NRG3: variants seen among roughly 807,000 people sequenced by gnomAD.
The protein encoded by NRG3 is pro-neuregulin-3, membrane-bound isoform.
In NRG3, 31 loss-of-function variants were observed where a neutral mutation model predicts 66.9. That is an observed-to-expected ratio of 0.46 (90% CI 0.35 to 0.63). The LOEUF (loss-of-function observed/expected upper bound fraction) is 0.63, where lower values mean the gene tolerates loss of function less well. Ranked by LOEUF, NRG3 falls within the 20% of genes least tolerant of loss-of-function variation. The pLI is 0.00. For missense variants in NRG3, 910 were observed against 878.9 expected, an observed-to-expected ratio of 1.04 and a Z score of -0.45; for synonymous variants, 393 against 359.4, an observed-to-expected ratio of 1.09 and a Z score of -1.06.
intron 2 of NRG3, among the ~76,000 whole-genome samples, chr10:82,470,229 T>G (rs76841693): frequency 0.014 from 2,082 of 152,338 alleles, 20 homozygotes; most frequent in Non-Finnish European, 0.021. Flanking sequence ...ATATTTGCAG[T>G]AAAGATATCT....
chr10:81,944,361 A>G (rs1030282789), intron 1 of NRG3, among the ~76,000 whole-genome samples: 2 of 152,238 alleles, frequency 1.3e-5, no homozygotes, highest in Non-Finnish European at 1.5e-5. Context: ...GCTACAAGAG[A>G]GTTTTAAAAA....
Position 81,935,919 on chromosome 10 carries a change from A to ACACACACAC in NRG3, c.823+59762_823+59763insCACCACACA, listed in dbSNP as rs1192033295. Among the ~76,000 whole-genome samples, 1,111 of 146,748 alleles carry ACACACACAC rather than the reference A, an allele frequency of 7.6e-3. 17 individuals carry two copies. Among genetic ancestry groups the ACACACACAC allele is most frequent in the African/African-American group, 0.024 (937 of 38,424 alleles). ...CACACACACACACACACACACACAC[A>ACACACACAC]CACACAGTTTCCTGTGTTAAAATGG... On this transcript the variant is annotated intron_variant, in intron 1 of 8. Coordinates refer to ENST00000372141, the MANE Select transcript of NRG3 (RefSeq NM_001010848.4).
intron 1 of NRG3, among the ~76,000 whole-genome samples, chr10:82,129,740 T>C (rs542594334): frequency 5.3e-5 from 8 of 152,138 alleles, no homozygotes; most frequent in Admixed American, 3.9e-4. Flanking sequence ...TTTGTATTTT[T>C]AGTAGAGACG....
intron 2 of NRG3, among the ~76,000 whole-genome samples, chr10:82,553,278 T>C (rs1417934343): frequency 1.3e-5 from 2 of 152,066 alleles, no homozygotes; most frequent in Non-Finnish European, 2.9e-5. Flanking sequence ...TTCAGCATTT[T>C]TTTTTTCTAA....
At chr10:82,639,198 A>G (rs1045309388) in intron 2 of NRG3, among the ~76,000 whole-genome samples, 5 of 152,188 alleles carry the variant, frequency 3.3e-5, no homozygotes, top group African/African-American at 9.7e-5. Flanking sequence ...TTTTGCTCAC[A>G]GTTGTGGAGG....
chr10:82,192,980 AG>A (rs2074242441), intron 1 of NRG3, among the ~76,000 whole-genome samples: 1 of 150,704 alleles, frequency 6.6e-6, no homozygotes, highest in African/African-American at 2.5e-5. Context: ...AGTGAGAGAG[AG>A]AGAGAGAGAG....
intron 2 of NRG3, among the ~76,000 whole-genome samples, chr10:82,565,158 T>C (rs1220515455): frequency 6.6e-6 from 1 of 151,992 alleles, no homozygotes; most frequent in African/African-American, 2.4e-5. Context: ...AACTATAAAT[T>C]TCATGGAAGA....
intron 1 of NRG3, among the ~76,000 whole-genome samples, chr10:82,188,855 C>G (rs113129487): frequency 1.8e-3 from 279 of 151,972 alleles, no homozygotes; most frequent in Admixed American, 2.2e-3. Flanking sequence ...TGAGTAAGAG[C>G]TACAATTTGA....
intron 2 of NRG3, among the ~76,000 whole-genome samples, chr10:82,553,382 A>G (rs1267282500): frequency 1.3e-5 from 2 of 152,100 alleles, no homozygotes; most frequent in African/African-American, 2.4e-5. Context: ...ATTTGCAAAA[A>G]CATGTATGGA....
At chr10:82,517,435 A>G (rs1845765028) in intron 2 of NRG3, among the ~76,000 whole-genome samples, 1 of 152,202 alleles carries the variant, frequency 6.6e-6, no homozygotes, top group African/African-American at 2.4e-5. Context: ...AACACTGTCC[A>G]AAGGATGTTG....
chr10:82,423,849 A>G (rs1196914306), intron 2 of NRG3, among the ~76,000 whole-genome samples: 1 of 151,998 alleles, frequency 6.6e-6, no homozygotes. Context: ...TAATCTACGT[A>G]TGTATTTGTC....
At chr10:82,103,820 A>G (rs943381954) in intron 1 of NRG3, among the ~76,000 whole-genome samples, 2 of 151,994 alleles carry the variant, frequency 1.3e-5, no homozygotes, top group Admixed American at 6.6e-5. Context: ...TTATCATCAC[A>G]GGAGTGCATT....
At chr10:81,955,918 C>G (rs1321158219) in intron 1 of NRG3, among the ~76,000 whole-genome samples, 1 of 152,174 alleles carries the variant, frequency 6.6e-6, no homozygotes. Flanking sequence ...ATATCCAGAA[C>G]AGAATTTTGA....
chr10:82,373,188 G>T (rs1393836103), intron 2 of NRG3, among the ~76,000 whole-genome samples: 2 of 152,218 alleles, frequency 1.3e-5, no homozygotes, highest in Admixed American at 1.3e-4. Flanking sequence ...AGCAACACAT[G>T]CATACAGCAG....
At chr10:81,890,296 A>T (rs900433112) in intron 1 of NRG3, among the ~76,000 whole-genome samples, 1 of 152,148 alleles carries the variant, frequency 6.6e-6, no homozygotes, top group East Asian at 1.9e-4. Flanking sequence ...TGGAGTGGGG[A>T]AGGGAGAAAC....
At chr10:82,029,561 C>A (rs996878405) in intron 1 of NRG3, among the ~76,000 whole-genome samples, 2 of 151,974 alleles carry the variant, frequency 1.3e-5, no homozygotes, top group African/African-American at 4.8e-5. Flanking sequence ...CAAGGGTGAC[C>A]AGCTTGAACG....
At chr10:82,228,310 A>AT (rs2076267978) in intron 1 of NRG3, among the ~76,000 whole-genome samples, 1 of 152,194 alleles carries the variant, frequency 6.6e-6, no homozygotes. Context: ...CTTTTTGTAA[A>AT]TGTGAGTCAC....
At position 81,963,125 on chromosome 10, in the gene NRG3, C is replaced by CTTTTTTTTTT. The variant is rs777026850; in HGVS notation, c.823+86979_823+86988dup. Among the ~76,000 whole-genome samples, 77 of 70,110 alleles carry CTTTTTTTTTT rather than the reference C, an allele frequency of 1.1e-3. 7 individuals carry two copies. The highest frequency in any genetic ancestry group is 4.8e-3 in the African/African-American group (75 of 15,648). The allele number at this position is 70,110 out of a possible 152,430, so 46.0% of individuals were successfully genotyped here. On this transcript the variant is annotated intron_variant, in intron 1 of 8. Transcript: ENST00000372141. ...GAAAATATGATCTGCCACGAGGGCT[C>CTTTTTTTTTT]TTTTTTTTTTTTTTTTTTTTTTTTT...
intron 2 of NRG3, among the ~76,000 whole-genome samples, chr10:82,378,910 T>C (rs2085435222): frequency 6.6e-6 from 1 of 152,114 alleles, no homozygotes; most frequent in African/African-American, 2.4e-5. Flanking sequence ...TTCTATGGCC[T>C]GGTGTGCTAT....
Sources: allele counts gnomAD v4.1 joint callset (sites outside exome capture counted in the v4.1 genomes callset), GRCh38; gene constraint gnomAD v4.1.1; transcripts MANE v1.5; gene names NCBI Gene and HGNC (gene_info 2026-07-23, HGNC 2026-07-21).